The following KPNA1 variants were observed in gnomAD, a reference collection of about 807,000 sequenced individuals.
KPNA1 encodes the protein karyopherin subunit alpha 1.
Under a neutral mutation model 70.5 loss-of-function variants are expected in KPNA1, and 10 were observed. That is an observed-to-expected ratio of 0.14 (90% CI 0.09 to 0.24). KPNA1 has a LOEUF of 0.24. Among genes scored for constraint, KPNA1 ranks in the 10% least tolerant of loss-of-function variants. The pLI, the probability that KPNA1 is intolerant of heterozygous loss-of-function variation, is 1.00. For synonymous variants in KPNA1, 192 were observed against 221.9 expected (o/e 0.87, Z 1.20); for missense variants, 397 against 637.9 (o/e 0.62, Z 4.07).
Position 122,467,326 on chromosome 3 carries a change from G to A in KPNA1, c.233C>T (p.Ala78Val), listed in dbSNP as rs1467611873. The A allele has an allele frequency of 1.3e-6, 2 of 1,497,274 alleles. No individual in the cohort carries two copies. Among genetic ancestry groups the A allele is most frequent in the Non-Finnish European group, 9.3e-7 (1 of 1,078,036 alleles). The allele number at this position is 1,497,274 out of a possible 1,614,324, so 92.7% of individuals were successfully genotyped here. A position where few individuals can be genotyped will look rare whatever the true frequency, so the allele number is the denominator to read the frequency against. Residue 78 changes from alanine to valine, a missense_variant, in exon 3 of 14, where the codon GCA (alanine) becomes GTA (valine). Physicochemically the swap from Ala to Val is moderately conservative, Grantham distance 64. Transcript: ENST00000344337. Reference protein sequence around the residue: ...HEAQISNMEMAPGGVITSDMI... With the variant: ...HEAQISNMEMVPGGVITSDMI... Reference sequence around the variant, plus strand: ...GAAAAGAGTTCATTATCTTACTGGTGCCATCTCCATGTTACTAATCTGAGC... The same window carrying A: ...GAAAAGAGTTCATTATCTTACTGGTACCATCTCCATGTTACTAATCTGAGC...
chr3:122,452,548 G>GGGAAGGAGGGAA (rs796491535), intron 6 of KPNA1, among the ~76,000 whole-genome samples: 188 of 27,022 alleles, frequency 7.0e-3, no homozygotes, highest in African/African-American at 0.011. Flanking sequence ...GAGGGAAGGA[G>GGGAAGGAGGGAA]GGAGGGAGGG....
chr3:122,443,738 G>A (rs1344308327), intron 9 of KPNA1, among the ~76,000 whole-genome samples: 1 of 152,162 alleles, frequency 6.6e-6, no homozygotes, highest in Non-Finnish European at 1.5e-5. Context: ...TCAAAGGGGA[G>A]GGAGTGTACG....
intron 2 of KPNA1, among the ~76,000 whole-genome samples, chr3:122,479,665 C>T (rs1202214472): frequency 1.3e-5 from 2 of 152,212 alleles, no homozygotes; most frequent in Non-Finnish European, 2.9e-5. Context: ...GAGGCTGAGG[C>T]AGGAGAATCA....
chr3:122,510,693 C>T (rs1288494392), intron 1 of KPNA1, among the ~76,000 whole-genome samples: 1 of 151,994 alleles, frequency 6.6e-6, no homozygotes, highest in East Asian at 1.9e-4. Flanking sequence ...TCTATAATTG[C>T]TATATCATGA....
intron 2 of KPNA1, among the ~76,000 whole-genome samples, chr3:122,475,735 TAAACACTAA>T (rs2076490644): frequency 6.6e-6 from 1 of 152,182 alleles, no homozygotes; most frequent in Non-Finnish European, 1.5e-5. Flanking sequence ...ATCAATGACT[TAAACACTAA>T]ATTAACACAT....
In KPNA1 at chr3:122,422,742, T is replaced by C. The variant is rs924924957; in HGVS notation, c.*4243A>G. On this transcript the variant is annotated 3_prime_UTR_variant, in exon 14 of 14. Transcript: ENST00000344337. ...GTCATCTATAATATAGTGACAATTA[T>C]CAAAGAACATTTGGAAGACTACATG... 4 of 152,240 alleles carry C rather than the reference T, an allele frequency of 2.6e-5. No individual in the cohort carries two copies. Among genetic ancestry groups the C allele is most frequent in the South Asian group, 2.1e-4 (1 of 4,830 alleles). 9.4% of individuals were successfully genotyped at this position (152,240 alleles called of 1,614,324 possible).
At chr3:122,444,067 T>A (rs749373960) in intron 9 of KPNA1, among the ~76,000 whole-genome samples, 14 of 152,206 alleles carry the variant, frequency 9.2e-5, no homozygotes, top group Non-Finnish European at 1.9e-4. Context: ...AGCGGCCATT[T>A]TAGAGGCCGC....
At chr3:122,439,009 TAGA>T (rs2076027405) in intron 10 of KPNA1, among the ~76,000 whole-genome samples, 1 of 152,172 alleles carries the variant, frequency 6.6e-6, no homozygotes, top group African/African-American at 2.4e-5. Context: ...AAAATTTTAA[TAGA>T]AAATTATCTC....
In KPNA1 at chr3:122,446,382, A is replaced by G. The variant is rs1341960670; in HGVS notation, c.917+3192T>C. 5.9e-5 allele frequency among the ~76,000 whole-genome samples: 9 copies of G among 152,326 alleles called. No individual in the cohort carries two copies. In the South Asian group the frequency reaches 1.2e-3, roughly 21 times the overall value. On this transcript the variant is annotated intron_variant, in intron 9 of 13. Coordinates refer to ENST00000344337, the MANE Select transcript of KPNA1 (RefSeq NM_002264.4). ...GATTAAGAAACTCACTCAAAACCGC[A>G]CAACTACATGGAAACTGAACAACCT...
chr3:122,456,382 A>G (rs746225682), intron 5 of KPNA1, among the ~76,000 whole-genome samples: 4 of 152,210 alleles, frequency 2.6e-5, no homozygotes, highest in Non-Finnish European at 4.4e-5. Context: ...AAAAAATAAG[A>G]TCAGAATACA....
chr3:122,456,365 T>C (rs1438322279), intron 5 of KPNA1, among the ~76,000 whole-genome samples: 1 of 151,864 alleles, frequency 6.6e-6, no homozygotes, highest in Admixed American at 6.6e-5. Flanking sequence ...GGAAAAGCAA[T>C]CTGGAAAAAA....
chr3:122,428,152 G>A (rs1209400223), intron 12 of KPNA1, among the ~76,000 whole-genome samples: 1 of 152,210 alleles, frequency 6.6e-6, no homozygotes, highest in Non-Finnish European at 1.5e-5. Flanking sequence ...AGTAAAGTAA[G>A]TTGTGGGAAG....
intron 5 of KPNA1, chr3:122,460,008 A>G: frequency 1.0e-6 from 1 of 985,448 alleles, no homozygotes; most frequent in Non-Finnish European, 1.2e-6. Context: ...AGAACAGCAC[A>G]CAAGGGGTGG....
chr3:122,494,609 T>C (rs536810137), intron 2 of KPNA1, among the ~76,000 whole-genome samples: 12 of 152,324 alleles, frequency 7.9e-5, no homozygotes, highest in East Asian at 1.9e-4. Flanking sequence ...GCTTTGGCAA[T>C]TGGGGCTCTT....
chr3:122,438,597 G>A (rs1576283731), intron 10 of KPNA1, among the ~76,000 whole-genome samples: 1 of 151,970 alleles, frequency 6.6e-6, no homozygotes, highest in East Asian at 1.9e-4. Context: ...TGTTGGTCAG[G>A]CTGGTCTTGA....
At chr3:122,475,712 G>A (rs1027366933) in intron 2 of KPNA1, among the ~76,000 whole-genome samples, 2 of 152,106 alleles carry the variant, frequency 1.3e-5, no homozygotes, top group African/African-American at 4.8e-5. Context: ...TGCTACCATT[G>A]ACTGGAAGCC....
At position 122,425,442 on chromosome 3, in the gene KPNA1, T is replaced by TGA. The variant is rs2075809860; in HGVS notation, c.*1541_*1542dup. The TGA allele has an allele frequency of 6.6e-6, 1 of 152,456 alleles. No individual in the cohort carries two copies. Among genetic ancestry groups the TGA allele is most frequent in the Non-Finnish European group, 1.5e-5 (1 of 67,978 alleles). 9.4% of individuals were successfully genotyped at this position (152,456 alleles called of 1,614,324 possible). A position where few individuals can be genotyped will look rare whatever the true frequency, so the allele number is the denominator to read the frequency against. Reference sequence around the variant, plus strand: ...AAAAGGGTATGCTCTGAAACAGAGGTGAGCAACCTTTTCCTTCAGAATTCA... The same window carrying TGA: ...AAAAGGGTATGCTCTGAAACAGAGGTGAGAGCAACCTTTTCCTTCAGAATTCA... On this transcript the variant is annotated 3_prime_UTR_variant, in exon 14 of 14. Transcript: ENST00000344337.
At chr3:122,478,298 T>C (rs902182982) in intron 2 of KPNA1, among the ~76,000 whole-genome samples, 1 of 151,412 alleles carries the variant, frequency 6.6e-6, no homozygotes, top group Non-Finnish European at 1.5e-5. Flanking sequence ...TCACAAAAAT[T>C]AACCCAAAAG....
chr3:122,465,671 G>C (rs1002144844), intron 3 of KPNA1, among the ~76,000 whole-genome samples: 1 of 152,244 alleles, frequency 6.6e-6, no homozygotes, highest in Non-Finnish European at 1.5e-5. Context: ...GGAAGCCAAG[G>C]CGGGTGGATC....
Sources: gnomAD v4.1 joint callset for allele counts (sites outside exome capture counted in the v4.1 genomes callset) on GRCh38, gnomAD v4.1.1 for gene constraint, MANE v1.5 for transcripts, NCBI Gene and HGNC (gene_info 2026-07-23, HGNC 2026-07-21) for gene names.